DPP10: variants seen among roughly 807,000 people sequenced by gnomAD.
DPP10 encodes the protein inactive dipeptidyl peptidase 10.
DPP10 carries 33 observed loss-of-function variants against 120.9 expected under a neutral mutation model. That is an observed-to-expected ratio of 0.27 (90% confidence interval 0.21 to 0.37). The LOEUF (loss-of-function observed/expected upper bound fraction) is 0.37. Ranked by LOEUF, DPP10 falls within the 10% of genes least tolerant of loss-of-function variation. The pLI is 1.00. For synonymous variants in DPP10, 337 were observed against 326.1 expected (o/e 1.03, Z -0.36); for missense variants, 816 against 942.8 (o/e 0.87, Z 1.76).
intron 1 of DPP10, among the ~76,000 whole-genome samples, chr2:115,251,676 C>G (rs1248042932): frequency 6.6e-6 from 1 of 152,170 alleles, no homozygotes; most frequent in Non-Finnish European, 1.5e-5. Flanking sequence ...ACATACTTCT[C>G]CAGGTCAAGT....
chr2:114,891,915 A>G (rs1176468946), intron 1 of DPP10, among the ~76,000 whole-genome samples: 1 of 152,118 alleles, frequency 6.6e-6, no homozygotes, highest in African/African-American at 2.4e-5. Context: ...TCTTGACAGG[A>G]TGTGCCTCAT....
chr2:115,472,478 ATTT>A (rs199609270), intron 3 of DPP10, among the ~76,000 whole-genome samples: 1 of 152,058 alleles, frequency 6.6e-6, no homozygotes, highest in Non-Finnish European at 1.5e-5. Context: ...TAAAAATGAG[ATTT>A]TTTTTATTTC....
intron 1 of DPP10, among the ~76,000 whole-genome samples, chr2:114,556,012 C>G (rs1010393873): frequency 1.3e-5 from 2 of 151,838 alleles, no homozygotes; most frequent in African/African-American, 4.8e-5. Flanking sequence ...ATCCAAGTTT[C>G]AAGGGAAAAG....
intron 1 of DPP10, among the ~76,000 whole-genome samples, chr2:115,215,460 G>C (rs2056763925): frequency 6.6e-6 from 1 of 152,168 alleles, no homozygotes; most frequent in Non-Finnish European, 1.5e-5. Flanking sequence ...TAGGCCACAT[G>C]TCTAGTATTA....
intron 5 of DPP10, among the ~76,000 whole-genome samples, chr2:115,673,631 T>C (rs1399828998): frequency 6.6e-6 from 1 of 152,204 alleles, no homozygotes; most frequent in Non-Finnish European, 1.5e-5. Context: ...TCACTCTGTT[T>C]CCTAAACTGT....
At chr2:115,595,921 A>G (rs1386495908) in intron 5 of DPP10, among the ~76,000 whole-genome samples, 3 of 152,036 alleles carry the variant, frequency 2.0e-5, no homozygotes, top group Admixed American at 2.0e-4. Flanking sequence ...TTTTATATCT[A>G]GTAGTTTTAA....
intron 1 of DPP10, among the ~76,000 whole-genome samples, chr2:115,096,146 T>A (rs1709724865): frequency 6.6e-6 from 1 of 152,142 alleles, no homozygotes; most frequent in South Asian, 2.1e-4. Context: ...TGTGTCAAAG[T>A]GCCTTAGGGA....
intron 3 of DPP10, among the ~76,000 whole-genome samples, chr2:115,433,715 A>G (rs1414486028): frequency 2.6e-5 from 4 of 152,056 alleles, no homozygotes; most frequent in African/African-American, 9.6e-5. Flanking sequence ...TACACTCAGT[A>G]TTTTTCTCCT....
chr2:115,780,528 T>A (rs1575756917), intron 15 of DPP10, among the ~76,000 whole-genome samples: 1 of 151,988 alleles, frequency 6.6e-6, no homozygotes, highest in South Asian at 2.1e-4. Context: ...GAAATTCCCT[T>A]TAAGACTTTA....
At position 114,843,569 on chromosome 2, in the gene DPP10, A is replaced by G. The variant is rs142222716; in HGVS notation, c.60+400731A>G. 9.5e-3 allele frequency among the ~76,000 whole-genome samples: 1,446 copies of G among 152,252 alleles called. 29 individuals carry two copies. Among genetic ancestry groups the G allele is most frequent in the Non-Finnish European group, 9.0e-3 (609 of 68,014 alleles). ...TTAAATTTCAGTGTTTGTCATTATC[A>G]TTCACAGAGCTTATCTGTATTGACC... On this transcript the variant is annotated intron_variant, in intron 1 of 25. Transcript: ENST00000410059.
chr2:115,686,463 T>A (rs560268442), intron 5 of DPP10, among the ~76,000 whole-genome samples: 1 of 152,222 alleles, frequency 6.6e-6, no homozygotes, highest in South Asian at 2.1e-4. Context: ...CCTGATCCTG[T>A]ATTTCTCCTA....
At chr2:115,694,466 A>T (rs761631901) in intron 7 of DPP10, among the ~76,000 whole-genome samples, 1 of 152,208 alleles carries the variant, frequency 6.6e-6, no homozygotes, top group Non-Finnish European at 1.5e-5. Context: ...AGAACTTTCA[A>T]TAGCACTAAG....
chr2:115,027,825 A>T (rs565699395), intron 1 of DPP10, among the ~76,000 whole-genome samples: 1 of 152,048 alleles, frequency 6.6e-6, no homozygotes, highest in South Asian at 2.1e-4. Flanking sequence ...CTATTCCTTC[A>T]TGGTTCAATC....
intron 1 of DPP10, among the ~76,000 whole-genome samples, chr2:114,443,717 A>G (rs1276454210): frequency 6.6e-6 from 1 of 151,478 alleles, no homozygotes; most frequent in African/African-American, 2.4e-5. Flanking sequence ...AAAAAAAACT[A>G]AAACAAAAAA....
At chr2:115,479,915 G>T (rs2075324874) in intron 3 of DPP10, among the ~76,000 whole-genome samples, 1 of 152,080 alleles carries the variant, frequency 6.6e-6, no homozygotes. Flanking sequence ...ACCTTGCAGG[G>T]GAGACATGAA....
intron 5 of DPP10, among the ~76,000 whole-genome samples, chr2:115,591,170 A>G (rs573234309): frequency 6.6e-6 from 1 of 152,120 alleles, no homozygotes; most frequent in South Asian, 2.1e-4. Context: ...ATTAGATCCC[A>G]TTTGTCAATT....
chr2:114,753,651 T>A (rs1005843368), intron 1 of DPP10, among the ~76,000 whole-genome samples: 1 of 152,062 alleles, frequency 6.6e-6, no homozygotes, highest in African/African-American at 2.4e-5. Context: ...GGCTCACGCC[T>A]GTAATCCCAG....
At chr2:115,282,035 G>A (rs7563562) in intron 1 of DPP10, among the ~76,000 whole-genome samples, 110,056 of 151,850 alleles carry the variant, frequency 0.72, 40,491 homozygotes, top group Non-Finnish European at 0.79. Flanking sequence ...GTAGGAGTGG[G>A]GAAGTGGTTT....
intron 1 of DPP10, among the ~76,000 whole-genome samples, chr2:114,463,036 C>T (rs1042482345): frequency 2.6e-5 from 4 of 152,078 alleles, no homozygotes; most frequent in Admixed American, 1.3e-4. Context: ...GCAATTTCCC[C>T]GAGGACTCTG....
Sources: gnomAD v4.1 joint callset for allele counts (sites outside exome capture counted in the v4.1 genomes callset) on GRCh38, gnomAD v4.1.1 for gene constraint, MANE v1.5 for transcripts, NCBI Gene and HGNC (gene_info 2026-07-23, HGNC 2026-07-21) for gene names.